CIMIP6: variants seen among roughly 807,000 people sequenced by gnomAD.
CIMIP6 encodes ciliary microtubule inner protein 6.
chr2:54,373,414 C>A, the CIMIP6 span, among the ~76,000 whole-genome samples: 3 of 152,122 alleles, frequency 2.0e-5, no homozygotes, highest in Non-Finnish European at 4.4e-5. Flanking sequence ...AGCTCCCCCT[C>A]CAACCCCGCA....
the CIMIP6 span, among the ~76,000 whole-genome samples, chr2:54,378,577 A>T: frequency 6.6e-6 from 1 of 152,374 alleles, no homozygotes; most frequent in East Asian, 1.9e-4. Flanking sequence ...AAAGGAAGAA[A>T]CAGAAATGCC....
chr2:54,370,250 G>T, the CIMIP6 span, among the ~76,000 whole-genome samples: 1 of 151,668 alleles, frequency 6.6e-6, no homozygotes. Flanking sequence ...GTAAGACTCT[G>T]TCTCAAAAAA....
At chr2:54,343,814 C>T in the CIMIP6 span, 1,862 of 1,612,794 alleles carry the variant, frequency 1.2e-3, 25 homozygotes, top group African/African-American at 0.023. Context: ...CAAAAACCAT[C>T]GTGTCCACTG....
the CIMIP6 span, among the ~76,000 whole-genome samples, chr2:54,383,949 G>A: frequency 6.6e-6 from 1 of 152,110 alleles, no homozygotes; most frequent in African/African-American, 2.4e-5. Context: ...CTTCTGACAT[G>A]GGATGACACA....
the CIMIP6 span, among the ~76,000 whole-genome samples, chr2:54,362,512 G>A: frequency 6.6e-6 from 1 of 151,960 alleles, no homozygotes. Flanking sequence ...TGAACACTTG[G>A]ATCTATCGTC....
chr2:54,358,975 T>G, the CIMIP6 span: 1 of 1,542,086 alleles, frequency 6.5e-7, no homozygotes, highest in Non-Finnish European at 8.7e-7. Flanking sequence ...TTGCCTCTCC[T>G]GGTACATCAG....
the CIMIP6 span, among the ~76,000 whole-genome samples, chr2:54,348,293 T>A: frequency 1.3e-5 from 2 of 152,220 alleles, no homozygotes; most frequent in South Asian, 2.1e-4. Context: ...GTTTGCTACA[T>A]AGTAGACAAT....
the CIMIP6 span, chr2:54,361,292 T>C: frequency 6.6e-6 from 1 of 152,222 alleles, no homozygotes. Flanking sequence ...TTTTCTATTT[T>C]ACTCAGATCA....
the CIMIP6 span, among the ~76,000 whole-genome samples, chr2:54,373,546 A>G: frequency 6.6e-6 from 1 of 152,100 alleles, no homozygotes; most frequent in South Asian, 2.1e-4. Flanking sequence ...GGGATATAAT[A>G]CGTGCCCTGC....
chr2:54,356,689 C>T, the CIMIP6 span, among the ~76,000 whole-genome samples: 4 of 152,280 alleles, frequency 2.6e-5, no homozygotes, highest in African/African-American at 4.8e-5. Context: ...TTAATTTTCA[C>T]AATTCAAAAA....
chr2:54,358,440 C>T, the CIMIP6 span, among the ~76,000 whole-genome samples: 5 of 151,684 alleles, frequency 3.3e-5, no homozygotes, highest in East Asian at 5.8e-4. Flanking sequence ...ATCTCTCTTT[C>T]GCCCAGGCTG....
chr2:54,372,057 G>A, the CIMIP6 span, among the ~76,000 whole-genome samples: 22 of 152,226 alleles, frequency 1.4e-4, no homozygotes, highest in African/African-American at 5.3e-4. Context: ...TATGAACTGT[G>A]TATGTTTTAG....
At chr2:54,332,088 C>T in the CIMIP6 span, among the ~76,000 whole-genome samples, 7 of 152,158 alleles carry the variant, frequency 4.6e-5, no homozygotes, top group Non-Finnish European at 7.3e-5. Context: ...AGAAGCAGTG[C>T]GCTAAGGATG....
At chr2:54,366,655 A>G in the CIMIP6 span, among the ~76,000 whole-genome samples, 2 of 152,340 alleles carry the variant, frequency 1.3e-5, no homozygotes, top group South Asian at 2.1e-4. Context: ...GCTCTTACCT[A>G]TAAAGGAAAG....
the CIMIP6 span, among the ~76,000 whole-genome samples, chr2:54,354,496 G>T: frequency 6.6e-6 from 1 of 151,916 alleles, no homozygotes; most frequent in South Asian, 2.1e-4. Flanking sequence ...TCTACTTTTA[G>T]GTCTTTAACA....
At chr2:54,338,169 C>T in the CIMIP6 span, among the ~76,000 whole-genome samples, 1 of 151,712 alleles carries the variant, frequency 6.6e-6, no homozygotes, top group Non-Finnish European at 1.5e-5. Context: ...CACAGTGGCT[C>T]ACACCTGTAA....
the CIMIP6 span, among the ~76,000 whole-genome samples, chr2:54,352,122 A>G: frequency 6.6e-6 from 1 of 152,106 alleles, no homozygotes; most frequent in Non-Finnish European, 1.5e-5. Context: ...TTTGATCAAA[A>G]TTTTTTTGAC....
At chr2:54,343,921 G>T in the CIMIP6 span, 1 of 1,445,288 alleles carries the variant, frequency 6.9e-7, no homozygotes, top group South Asian at 1.6e-5. Context: ...TCAAATTATT[G>T]CTACCAAAAC....
the CIMIP6 span, among the ~76,000 whole-genome samples, chr2:54,345,798 A>G: frequency 3.3e-5 from 5 of 152,236 alleles, no homozygotes; most frequent in Non-Finnish European, 7.3e-5. Context: ...GTGAAGGGGA[A>G]AAATATGCAC....
Sources: gnomAD v4.1 joint callset for allele counts (sites outside exome capture counted in the v4.1 genomes callset) on GRCh38, gnomAD v4.1.1 for gene constraint, MANE v1.5 for transcripts, NCBI Gene and HGNC (gene_info 2026-07-23, HGNC 2026-07-21) for gene names.